CNTNAP2: variants seen among roughly 807,000 people sequenced by gnomAD.
The protein encoded by CNTNAP2 is contactin associated protein 2, also known as contactin-associated protein-like 2.
CNTNAP2 carries 98 observed loss-of-function variants against 155.2 expected under a neutral mutation model. The ratio of observed to expected loss-of-function variants is 0.63; its 90% CI spans 0.54 to 0.75. The LOEUF is 0.75. Ranked by LOEUF, CNTNAP2 falls within the 30% of genes least tolerant of loss-of-function variation. The pLI is 0.00. For synonymous variants in CNTNAP2, 651 were observed against 631.2 expected (o/e 1.03, Z -0.47); for missense variants, 1,727 against 1,688.1 (o/e 1.02, Z -0.40).
At chr7:146,563,121 T>C (rs1175410665) in intron 1 of CNTNAP2, among the ~76,000 whole-genome samples, 1 of 152,188 alleles carries the variant, frequency 6.6e-6, no homozygotes, top group Non-Finnish European at 1.5e-5. Flanking sequence ...AGTGAACTGA[T>C]TAACTTTGCA....
At chr7:147,369,909 C>T (rs956528817) in intron 9 of CNTNAP2, among the ~76,000 whole-genome samples, 8 of 152,204 alleles carry the variant, frequency 5.3e-5, no homozygotes, top group Non-Finnish European at 1.0e-4. Context: ...AATCATTGCC[C>T]ATAAGAAAGT....
At chr7:147,243,493 G>T (rs947274641) in intron 8 of CNTNAP2, among the ~76,000 whole-genome samples, 2 of 152,046 alleles carry the variant, frequency 1.3e-5, no homozygotes, top group Non-Finnish European at 2.9e-5. Context: ...TAATATTCAT[G>T]AGCACAGGTT....
chr7:147,503,395 A>G (rs1183922807), intron 11 of CNTNAP2, among the ~76,000 whole-genome samples: 1 of 152,140 alleles, frequency 6.6e-6, no homozygotes, highest in Non-Finnish European at 1.5e-5. Flanking sequence ...TTACATCTGC[A>G]AAGACTGTAT....
chr7:147,507,706 C>A (rs1327713122), intron 11 of CNTNAP2, among the ~76,000 whole-genome samples: 6 of 151,774 alleles, frequency 4.0e-5, no homozygotes, highest in Admixed American at 3.9e-4. Context: ...GTGTCTGCCA[C>A]CACGCGCGGC....
chr7:146,832,177 A>T (rs1803525984), intron 2 of CNTNAP2, among the ~76,000 whole-genome samples: 1 of 152,174 alleles, frequency 6.6e-6, no homozygotes, highest in Non-Finnish European at 1.5e-5. Flanking sequence ...TCATTTTAGC[A>T]CTTATTAAGA....
At chr7:146,959,004 T>TCAAATAAAATAAATAAAATAAAA (rs1306226881) in intron 3 of CNTNAP2, among the ~76,000 whole-genome samples, 2 of 151,870 alleles carry the variant, frequency 1.3e-5, no homozygotes, top group Non-Finnish European at 2.9e-5. Context: ...AATGACTTTT[T>TCAAATAAAATAAATAAAATAAAA]TATTTTATTT....
chr7:148,230,688 T>C (rs1044475948), intron 20 of CNTNAP2, among the ~76,000 whole-genome samples: 1 of 152,202 alleles, frequency 6.6e-6, no homozygotes, highest in Non-Finnish European at 1.5e-5. Context: ...CATAACTTGA[T>C]ATGGAGTTTG....
intron 3 of CNTNAP2, among the ~76,000 whole-genome samples, chr7:146,919,828 G>A (rs1796465486): frequency 6.6e-6 from 1 of 152,146 alleles, no homozygotes; most frequent in East Asian, 1.9e-4. Context: ...TCTTTCAAAG[G>A]GTCTGTGGAT....
chr7:147,957,929 G>A (rs1002594700), intron 14 of CNTNAP2, among the ~76,000 whole-genome samples: 2 of 152,016 alleles, frequency 1.3e-5, no homozygotes, highest in Non-Finnish European at 2.9e-5. Flanking sequence ...TTAAAAATTA[G>A]CCAGGTGTGG....
chr7:148,085,041 T>C (rs1300353956), intron 15 of CNTNAP2, among the ~76,000 whole-genome samples: 1 of 152,236 alleles, frequency 6.6e-6, no homozygotes, highest in East Asian at 1.9e-4. Context: ...GCTGTGTTGA[T>C]GTTCCATATT....
intron 9 of CNTNAP2, among the ~76,000 whole-genome samples, chr7:147,352,988 C>A (rs992272402): frequency 9.2e-5 from 14 of 151,492 alleles, no homozygotes; most frequent in African/African-American, 2.9e-4. Flanking sequence ...AAAGCCCAAC[C>A]TTTGGTCTTT....
chr7:147,745,472 A>T (rs1010514175), intron 13 of CNTNAP2, among the ~76,000 whole-genome samples: 1 of 152,206 alleles, frequency 6.6e-6, no homozygotes, highest in Non-Finnish European at 1.5e-5. Flanking sequence ...ATCCCTGTCA[A>T]CCATCAACCA....
chr7:146,579,660 A>G (rs1798580493), intron 1 of CNTNAP2, among the ~76,000 whole-genome samples: 1 of 151,834 alleles, frequency 6.6e-6, no homozygotes, highest in South Asian at 2.1e-4. Context: ...CATTTCACAA[A>G]TTTGGTTCCA....
chr7:146,422,359 G>GTATATATA (rs971506491), intron 1 of CNTNAP2, among the ~76,000 whole-genome samples: 1 of 148,118 alleles, frequency 6.8e-6, no homozygotes, highest in African/African-American at 2.5e-5. Flanking sequence ...GTATATATAT[G>GTATATATA]TATATATATA....
chr7:146,435,107 T>A (rs2129117864), intron 1 of CNTNAP2, among the ~76,000 whole-genome samples: 1 of 152,272 alleles, frequency 6.6e-6, no homozygotes, highest in African/African-American at 2.4e-5. Flanking sequence ...AGGTGTTACT[T>A]TTCAGGATAG....
chr7:147,603,115 G>A (rs913024632), intron 12 of CNTNAP2, among the ~76,000 whole-genome samples: 1 of 151,166 alleles, frequency 6.6e-6, no homozygotes, highest in Non-Finnish European at 1.5e-5. Flanking sequence ...GTGTAAAAGT[G>A]TTTCTATTTC....
chr7:147,066,056 T>C (rs1002885325), intron 4 of CNTNAP2, among the ~76,000 whole-genome samples: 1 of 152,110 alleles, frequency 6.6e-6, no homozygotes, highest in Non-Finnish European at 1.5e-5. Flanking sequence ...CAAAAAACCT[T>C]ACAAGTTAAT....
chr7:146,168,272 T>C (rs935624772), intron 1 of CNTNAP2, among the ~76,000 whole-genome samples: 3 of 152,150 alleles, frequency 2.0e-5, no homozygotes, highest in African/African-American at 4.8e-5. Flanking sequence ...TCATGTATTA[T>C]ACATGAAGGA....
In CNTNAP2 at chr7:146,839,892, TG is replaced by T. The variant is rs1803686869; in HGVS notation, c.393del (p.Asn132IlefsTer30). 1 of 1,614,008 alleles carries T rather than the reference TG, an allele frequency of 6.2e-7. No individual in the cohort carries two copies. Among genetic ancestry groups the T allele is most frequent in the Non-Finnish European group, 8.5e-7 (1 of 1,180,028 alleles). On this transcript the variant is annotated frameshift_variant, in exon 3 of 24. Transcript: ENST00000361727. LOFTEE classifies it high-confidence loss of function. ...GRNWKPYHQD[G>X]NIWAFPGNIN... ...GAAACTGGAAACCCTATCATCAAGA[TG>T]GGAATATCTGGGTAAGTCATTGGCA...
Sources: gnomAD v4.1 joint callset for allele counts (sites outside exome capture counted in the v4.1 genomes callset) on GRCh38, gnomAD v4.1.1 for gene constraint, MANE v1.5 for transcripts, NCBI Gene and HGNC (gene_info 2026-07-23, HGNC 2026-07-21) for gene names.